CPXM2: variants seen among roughly 807,000 people sequenced by gnomAD.
CPXM2 encodes inactive carboxypeptidase-like protein X2.
A neutral mutation model predicts 86.1 loss-of-function variants in CPXM2; 66 were observed. The ratio of observed to expected loss-of-function variants is 0.77; its 90% CI spans 0.63 to 0.94. The LOEUF is 0.94. Ranked by LOEUF, CPXM2 falls within the 40% of genes least tolerant of loss-of-function variation. The probability of loss-of-function intolerance (pLI) is 0.00; values close to 1 mark genes in which losing one functional copy is unlikely to be tolerated. For missense variants in CPXM2, 948 were observed against 1,026.3 expected (o/e 0.92, Z 1.04); for synonymous variants, 388 against 400.2 (o/e 0.97, Z 0.36).
intron 2 of CPXM2, among the ~76,000 whole-genome samples, chr10:123,898,192 T>G (rs1181224439): frequency 6.6e-6 from 1 of 152,102 alleles, no homozygotes; most frequent in Non-Finnish European, 1.5e-5. Flanking sequence ...ATCTAATAAA[T>G]TCCTAGAAAA....
chr10:123,866,647 C>G (rs1308428070), intron 2 of CPXM2, among the ~76,000 whole-genome samples: 2 of 152,184 alleles, frequency 1.3e-5, no homozygotes, highest in African/African-American at 4.8e-5. Flanking sequence ...CCTCAGAACC[C>G]TGGAGGCCCC....
At chr10:123,751,606 C>T (rs1589958165) in intron 13 of CPXM2, 1 of 985,372 alleles carries the variant, frequency 1.0e-6, no homozygotes, top group Non-Finnish European at 1.2e-6. Flanking sequence ...GGGTGTCTGT[C>T]CAACATACTG....
Position 123,880,310 on chromosome 10 carries a change from C to A in CPXM2, c.305-1G>T. ...ATAACTTTTTTGTTGCTGTGTTTAC[C>A]TAAAGGGGGAGAGAGAGATGCCTTT... On this transcript the variant is annotated splice_acceptor_variant, in intron 1 of 13. Coordinates refer to ENST00000241305, the MANE Select transcript of CPXM2 (RefSeq NM_198148.3). LOFTEE classifies it high-confidence loss of function. The A allele has an allele frequency of 3.6e-6, 5 of 1,400,604 alleles. No individual in the cohort carries two copies. Among genetic ancestry groups the A allele is most frequent in the Non-Finnish European group, 5.1e-6 (5 of 985,192 alleles). 86.8% of individuals were successfully genotyped at this position (1,400,604 alleles called of 1,614,324 possible).
At chr10:123,943,277 TATGACAATC>T (rs1474592479), upstream of CPXM2, among the ~76,000 whole-genome samples, 2 of 152,226 alleles carry the variant, frequency 1.3e-5, no homozygotes, top group East Asian at 1.9e-4. Flanking sequence ...TTGTATATTT[TATGACAATC>T]ATGACTGTGC....
At chr10:123,807,668 G>A (rs1847609179) in intron 4 of CPXM2, among the ~76,000 whole-genome samples, 1 of 152,200 alleles carries the variant, frequency 6.6e-6, no homozygotes, top group South Asian at 2.1e-4. Flanking sequence ...GGCTTAGATG[G>A]AAAAGGAGGA....
intron 10 of CPXM2, among the ~76,000 whole-genome samples, chr10:123,762,702 G>A (rs1846374466): frequency 6.6e-6 from 1 of 152,074 alleles, no homozygotes; most frequent in Admixed American, 6.5e-5. Flanking sequence ...GTTTGACATC[G>A]TTTAAGAATG....
chr10:123,829,245 A>C (rs1232062474), intron 4 of CPXM2, among the ~76,000 whole-genome samples: 2 of 152,272 alleles, frequency 1.3e-5, no homozygotes, highest in Non-Finnish European at 2.9e-5. Context: ...GATGCCCAGA[A>C]ACTGGATCAC....
In CPXM2 at chr10:123,754,198, TC is replaced by T. The variant is rs1387231160; in HGVS notation, c.2017+464del. Reference sequence around the variant, plus strand: ...CAGTCCCAACCCACCCCTCCAGCTGTCCTCTTGCTGCTGGTCCCTTCAAACT... The same window carrying T: ...CAGTCCCAACCCACCCCTCCAGCTGTCTCTTGCTGCTGGTCCCTTCAAACT... On this transcript the variant is annotated intron_variant, in intron 13 of 13. Coordinates refer to ENST00000241305, the MANE Select transcript of CPXM2 (RefSeq NM_198148.3). The surrounding 1 kb of genome is among the most constrained non-coding windows in gnomAD (Gnocchi z 4.0). Among the ~76,000 whole-genome samples, 1 of 152,034 alleles carries T rather than the reference TC, an allele frequency of 6.6e-6. No homozygotes were observed. The highest frequency in any genetic ancestry group is 1.5e-5 in the Non-Finnish European group (1 of 67,984).
At chr10:123,906,196 A>AG (rs1451607378) in intron 2 of CPXM2, among the ~76,000 whole-genome samples, 4 of 152,218 alleles carry the variant, frequency 2.6e-5, no homozygotes, top group Non-Finnish European at 5.9e-5. Flanking sequence ...ATGTGACCGA[A>AG]GGGCAACATG....
intron 1 of CPXM2, among the ~76,000 whole-genome samples, chr10:123,888,011 T>C (rs1945207455): frequency 6.6e-6 from 1 of 152,198 alleles, no homozygotes; most frequent in Non-Finnish European, 1.5e-5. Context: ...AAGGGTTCAG[T>C]TCTCCAAGCA....
chr10:123,799,181 G>T lies in CPXM2; in HGVS notation c.672C>A (p.Ser224=), dbSNP rs1204385707. 1.2e-6 allele frequency: 2 copies of T among 1,613,992 alleles called. No homozygotes were observed. The highest frequency in any genetic ancestry group is 2.7e-5 in the African/African-American group (2 of 74,916). ...NSLWLSDWVT[S]YKVMVSNDSH... The stretch of plus-strand genomic sequence containing the variant: ...TGTCATTGCTCACCATGACCTTATA[G>T]GATGTCACCCAGTCACTCCTATGAG... Residue 224 remains serine, a synonymous_variant, in exon 5 of 14, where the codon TCC becomes TCA. Coordinates refer to ENST00000241305, the MANE Select transcript of CPXM2 (RefSeq NM_198148.3).
At chr10:123,767,562 C>G (rs1589976321) in intron 9 of CPXM2, among the ~76,000 whole-genome samples, 1 of 152,302 alleles carries the variant, frequency 6.6e-6, no homozygotes, top group East Asian at 1.9e-4. Flanking sequence ...ATGCAAATTC[C>G]TAACTGACTA....
chr10:123,941,373 G>A (rs982266602), upstream of CPXM2, among the ~76,000 whole-genome samples: 1 of 152,102 alleles, frequency 6.6e-6, no homozygotes, highest in African/African-American at 2.4e-5. Context: ...GCTGCAGCAG[G>A]TCAATCTCTG....
At chr10:123,868,449 G>C (rs187746328) in intron 2 of CPXM2, among the ~76,000 whole-genome samples, 1 of 152,124 alleles carries the variant, frequency 6.6e-6, no homozygotes, top group Non-Finnish European at 1.5e-5. Context: ...AGGCAGAGAC[G>C]GCAGAAAGGA....
At chr10:123,863,054 G>A (rs999934713) in intron 2 of CPXM2, among the ~76,000 whole-genome samples, 17 of 152,132 alleles carry the variant, frequency 1.1e-4, no homozygotes, top group East Asian at 5.8e-4. Flanking sequence ...CAGAACTTGC[G>A]GATTTTGCTT....
At chr10:123,913,388 C>A (rs1945505958) in intron 2 of CPXM2, among the ~76,000 whole-genome samples, 1 of 152,144 alleles carries the variant, frequency 6.6e-6, no homozygotes, top group African/African-American at 2.4e-5. Context: ...ATATGTCTCA[C>A]CACTCTGTAT....
chr10:123,844,469 A>G (rs779029395), intron 3 of CPXM2, among the ~76,000 whole-genome samples: 22 of 152,196 alleles, frequency 1.4e-4, no homozygotes, highest in Non-Finnish European at 7.3e-5. Context: ...AAGCACACCA[A>G]TGCCCCTAAC....
At chr10:123,921,896 T>G (rs1945582066) in intron 2 of CPXM2, among the ~76,000 whole-genome samples, 1 of 152,234 alleles carries the variant, frequency 6.6e-6, no homozygotes, top group African/African-American at 2.4e-5. Flanking sequence ...AGAGAAGGGA[T>G]AGCTGAGGTA....
At chr10:123,929,643 A>AC (rs1033844819) in intron 2 of CPXM2, among the ~76,000 whole-genome samples, 1 of 112,524 alleles carries the variant, frequency 8.9e-6, no homozygotes, top group Non-Finnish European at 1.9e-5. Flanking sequence ...CTCCCCACCC[A>AC]CCCTCACCCC....
Sources: allele counts gnomAD v4.1 joint callset (sites outside exome capture counted in the v4.1 genomes callset), GRCh38; gene constraint gnomAD v4.1.1; non-coding constraint Gnocchi (gnomAD v3.1); transcripts MANE v1.5; gene names NCBI Gene and HGNC (gene_info 2026-07-23, HGNC 2026-07-21).